Variants in ZDHHC9 observed in about 807,000 individuals in gnomAD.
The protein encoded by ZDHHC9 is palmitoyltransferase ZDHHC9.
Under a neutral mutation model 26.6 loss-of-function variants are expected in ZDHHC9, and 3 were observed. That is an observed-to-expected ratio of 0.11 (90% CI 0.05 to 0.29). The LOEUF is 0.29. ZDHHC9 is among the 10% of genes least tolerant of loss of function. The pLI is 1.00. For synonymous variants in ZDHHC9, 111 were observed against 109.4 expected (o/e 1.01, Z -0.09); for missense variants, 146 against 296.4 (o/e 0.49, Z 3.73).
At chrX:129,814,552 C>G (rs45522933) in intron 6 of ZDHHC9, 106 bp downstream of exon 6, 18,741 of 1,112,502 alleles carry the variant, frequency 0.017, 138 homozygotes, top group Middle Eastern at 0.029. Flanking sequence ...TCCTAAAGTA[C>G]CTTTCACAAT....
At chrX:129,841,637 A>T in intron 3 of ZDHHC9, 142 bp downstream of exon 3, 1 of 730,526 alleles carries the variant, frequency 1.4e-6, no homozygotes. Context: ...CGAAGCAATG[A>T]ATTCAGCTGG....
chrX:129,812,532 T>C (rs1927666096), intron 8 of ZDHHC9, among the ~76,000 whole-genome samples, 186 bp downstream of exon 8: 1 of 112,282 alleles, frequency 8.9e-6, no homozygotes, highest in Non-Finnish European at 1.9e-5. Context: ...TTCCTAATGC[T>C]CCACAAGCAT....
intron 10 of ZDHHC9, among the ~76,000 whole-genome samples, chrX:129,807,454 G>GAAAAAA (rs779819713): frequency 1.5e-4 from 4 of 27,285 alleles, no homozygotes; most frequent in African/African-American, 4.5e-4. Flanking sequence ...CTCCGTCTCA[G>GAAAAAA]AAAAAAAAAA....
intron 4 of ZDHHC9, among the ~76,000 whole-genome samples, chrX:129,826,859 C>A (rs1043042325): frequency 9.0e-6 from 1 of 110,904 alleles, no homozygotes; most frequent in Non-Finnish European, 1.9e-5. Context: ...AAAATGAAAT[C>A]CATTAAGAAG....
At position 129,841,912 on chromosome X, in the gene ZDHHC9, G is replaced by T. The variant is rs759500061; in HGVS notation, c.34C>A (p.Arg12=). 1 of 1,211,537 alleles carries T rather than the reference G, an allele frequency of 8.3e-7. No individual in the cohort carries two copies. The highest frequency in any genetic ancestry group is 2.2e-5 in the Admixed American group (1 of 45,995). Residue 12 remains arginine, a synonymous_variant, in exon 3 of 11, where the codon CGG becomes AGG. Coordinates refer to ENST00000357166, the MANE Select transcript of ZDHHC9 (RefSeq NM_016032.4). The part of the protein sequence containing the change: ...SVMVVRKKVT[R]KWEKLPGRNT... ...CTGCCTGGGAGTTTCTCCCATTTCCGTGTCACCTTCTTTCTCACCACCATC... is the reference window on the plus strand; with the variant it reads ...CTGCCTGGGAGTTTCTCCCATTTCCTTGTCACCTTCTTTCTCACCACCATC...
intron 5 of ZDHHC9, chrX:129,822,997 A>G (rs1241779258): frequency 8.9e-6 from 1 of 112,267 alleles, no homozygotes; most frequent in Non-Finnish European, 1.9e-5. Flanking sequence ...ACAAAGCCAC[A>G]TATATGTGGA....
rs1306254787 is a variant in ZDHHC9 at position 129,811,524 on chromosome X, C to A, written c.778-15G>T. The A allele has an allele frequency of 8.1e-6, 9 of 1,116,402 alleles. 1 individual carries two copies. The highest frequency in any genetic ancestry group is 1.1e-5 in the Non-Finnish European group (9 of 814,431). The allele number at this position is 1,116,402 out of a possible 1,213,427, so 92.0% of individuals were successfully genotyped here. A position where few individuals can be genotyped will look rare whatever the true frequency, so the allele number is the denominator to read the frequency against. Reference sequence around the variant, plus strand: ...GATCCTTTGATCTGCAAGATAAAAACCAAGGCTGACATTAAAAATAATGTT... The same window carrying A: ...GATCCTTTGATCTGCAAGATAAAAAACAAGGCTGACATTAAAAATAATGTT... On this transcript the variant is annotated splice_polypyrimidine_tract_variant and intron_variant, in intron 8 of 10. Transcript: ENST00000357166.
In ZDHHC9 at chrX:129,806,484, G is replaced by A. The variant is rs1429612573; in HGVS notation, c.981C>T (p.Ala327=). 1.6e-5 allele frequency: 19 copies of A among 1,201,561 alleles called. No individual in the cohort carries two copies. Among genetic ancestry groups the A allele is most frequent in the Non-Finnish European group, 2.1e-5 (19 of 888,186 alleles). ...TSSSLLPQSP[A]PTEHLNSNEM... The stretch of plus-strand genomic sequence containing the variant: ...CATTTGAGTTCAGGTGTTCTGTGGG[G>A]GCCTGAGAAGGAAAAGATATGAGAT... Residue 327 remains alanine, a splice_region_variant and synonymous_variant, in exon 11 of 11, where the codon GCC becomes GCT. Transcript: ENST00000357166.
chrX:129,821,996 C>T (rs919410883), intron 5 of ZDHHC9, among the ~76,000 whole-genome samples: 1 of 111,328 alleles, frequency 9.0e-6, no homozygotes, highest in Non-Finnish European at 1.9e-5. Flanking sequence ...CACTTTTACA[C>T]TGTTGGTGGG....
intron 5 of ZDHHC9, among the ~76,000 whole-genome samples, chrX:129,816,173 G>A (rs185522561): frequency 4.5e-5 from 5 of 111,785 alleles, no homozygotes; most frequent in Non-Finnish European, 5.6e-5. Flanking sequence ...TTGGCCCTCC[G>A]TATCAACAGG....
intron 3 of ZDHHC9, among the ~76,000 whole-genome samples, chrX:129,839,452 A>G (rs1451235403): frequency 9.0e-6 from 1 of 110,868 alleles, no homozygotes; most frequent in East Asian, 2.8e-4. Flanking sequence ...ACCTCAAGTG[A>G]TCTGCCTGCC....
intron 10 of ZDHHC9, among the ~76,000 whole-genome samples, chrX:129,806,824 A>G (rs778828040): frequency 8.9e-6 from 1 of 111,941 alleles, no homozygotes; most frequent in Non-Finnish European, 1.9e-5. Flanking sequence ...GCCTGACCCA[A>G]TGGTCCTCAA....
chrX:129,807,309 G>A (rs7889392), intron 10 of ZDHHC9, among the ~76,000 whole-genome samples: 1,226 of 108,532 alleles, frequency 0.011, 23 homozygotes, highest in African/African-American at 0.039. Flanking sequence ...AGCCGGGCGC[G>A]GTGGCGGGCG....
chrX:129,819,949 G>A (rs1337325960), intron 5 of ZDHHC9, among the ~76,000 whole-genome samples: 3 of 110,846 alleles, frequency 2.7e-5, no homozygotes, highest in East Asian at 2.8e-4. Context: ...TGCCCACCTC[G>A]GCCTCCCAAA....
At chrX:129,837,961 G>A (rs930906997) in intron 3 of ZDHHC9, among the ~76,000 whole-genome samples, 2 of 112,300 alleles carry the variant, frequency 1.8e-5, no homozygotes, top group African/African-American at 6.5e-5. Context: ...CTGCTACAGT[G>A]TCCTAACACT....
intron 7 of ZDHHC9, 64 bp from the exon 8 acceptor site, chrX:129,812,884 T>G: frequency 1.3e-6 from 1 of 776,375 alleles, no homozygotes; most frequent in South Asian, 2.1e-5. Context: ...TCCGCCCATA[T>G]TCAGAGCACC....
In ZDHHC9 at chrX:129,819,127, C is replaced by T. The variant is rs1012952260; in HGVS notation, c.488-4332G>A. On this transcript the variant is annotated intron_variant, in intron 5 of 10. Coordinates refer to ENST00000357166, the MANE Select transcript of ZDHHC9 (RefSeq NM_016032.4). Reference sequence around the variant, plus strand: ...GGCGGAGCTTGCAGTGAGCTGAGATCGCGCCACTGCACTCCAGACTGGGAG... The same window carrying T: ...GGCGGAGCTTGCAGTGAGCTGAGATTGCGCCACTGCACTCCAGACTGGGAG... 9.7e-5 allele frequency among the ~76,000 whole-genome samples: 9 copies of T among 93,143 alleles called. No homozygotes were observed. In the Admixed American group the frequency reaches 1.2e-3, roughly 13 times the overall value. The allele number at this position is 93,143 out of a possible 115,157, so 80.9% of individuals were successfully genotyped here. A position where few individuals can be genotyped will look rare whatever the true frequency, so the allele number is the denominator to read the frequency against.
At chrX:129,807,166 G>A (rs1927534534) in intron 10 of ZDHHC9, among the ~76,000 whole-genome samples, 1 of 112,621 alleles carries the variant, frequency 8.9e-6, no homozygotes, top group Non-Finnish European at 1.9e-5. Context: ...TATGATTCTG[G>A]CCGGGCGCGG....
intron 3 of ZDHHC9, among the ~76,000 whole-genome samples, chrX:129,837,821 G>A (rs1273348672): frequency 8.9e-6 from 1 of 112,413 alleles, no homozygotes; most frequent in Non-Finnish European, 1.9e-5. Flanking sequence ...AGAGAAAGCT[G>A]GAAGCCAATT....
Sources: gnomAD v4.1 joint callset for allele counts (sites outside exome capture counted in the v4.1 genomes callset) on GRCh38, gnomAD v4.1.1 for gene constraint, MANE v1.5 for transcripts, NCBI Gene and HGNC (gene_info 2026-07-23, HGNC 2026-07-21) for gene names.